ATG7: variants seen among roughly 807,000 people sequenced by gnomAD.
ATG7 encodes the protein autophagy related 7, also known as ubiquitin-like modifier-activating enzyme ATG7.
ATG7 carries 70 observed loss-of-function variants against 82.4 expected under a neutral mutation model. The observed-to-expected ratio is 0.85, with a 90% CI of 0.70 to 1.04. ATG7 has a LOEUF of 1.04. Ranked by LOEUF, ATG7 falls within the 50% of genes least tolerant of loss-of-function variation. The pLI, the probability that ATG7 is intolerant of heterozygous loss-of-function variation, is 0.00. For synonymous variants in ATG7, 287 were observed against 313.0 expected (o/e 0.92, Z 0.88); for missense variants, 792 against 864.3 (o/e 0.92, Z 1.05).
intron 18 of ATG7, among the ~76,000 whole-genome samples, chr3:11,366,447 G>A (rs919930907): frequency 2.0e-5 from 3 of 151,880 alleles, no homozygotes; most frequent in Non-Finnish European, 4.4e-5. Context: ...GACATTTCAC[G>A]TAGGACCCAA....
chr3:11,443,267 G>T (rs939500565), intron 20 of ATG7, among the ~76,000 whole-genome samples: 2 of 152,126 alleles, frequency 1.3e-5, no homozygotes, highest in African/African-American at 4.8e-5. Context: ...ACTCCTACTA[G>T]TCTTAAACCA....
chr3:11,525,819 G>A (rs967203268), intron 20 of ATG7, among the ~76,000 whole-genome samples: 2 of 152,086 alleles, frequency 1.3e-5, no homozygotes, highest in African/African-American at 4.8e-5. Context: ...CTCCCAAAGT[G>A]CTGGGATTAC....
chr3:11,465,558 G>A (rs1483032063), intron 20 of ATG7, among the ~76,000 whole-genome samples: 4 of 151,950 alleles, frequency 2.6e-5, no homozygotes, highest in African/African-American at 7.2e-5. Flanking sequence ...CAGCCTGGGC[G>A]TGAGTGAAAC....
At chr3:11,360,219 G>C (rs1248194917) in intron 15 of ATG7, among the ~76,000 whole-genome samples, 1 of 152,138 alleles carries the variant, frequency 6.6e-6, no homozygotes, top group Non-Finnish European at 1.5e-5. Context: ...CTAATTTTTT[G>C]TATTTTTAAT....
At chr3:11,536,612 G>A (rs369182231) in intron 20 of ATG7, among the ~76,000 whole-genome samples, 37 of 152,242 alleles carry the variant, frequency 2.4e-4, no homozygotes, top group South Asian at 6.2e-4. Context: ...CAGAGTAAAC[G>A]TTTGTGTGAG....
At chr3:11,406,838 A>G (rs534956129) in intron 19 of ATG7, among the ~76,000 whole-genome samples, 13 of 152,302 alleles carry the variant, frequency 8.5e-5, no homozygotes, top group South Asian at 4.1e-4. Context: ...CCATGATTCA[A>G]TCATCTCCCA....
intron 20 of ATG7, among the ~76,000 whole-genome samples, chr3:11,464,171 A>AGACTAGCC (rs2086610282): frequency 4.6e-5 from 7 of 152,162 alleles, no homozygotes; most frequent in Admixed American, 6.5e-5. Context: ...CAGGAGTTTG[A>AGACTAGCC]GACTAGCCTG....
rs1000132465 is a variant in ATG7, at chr3:11,391,961, G to GC, written c.1956+11909_1956+11910insC. 1.4e-5 allele frequency among the ~76,000 whole-genome samples: 2 copies of GC among 142,754 alleles called. 1 individual carries two copies. The highest frequency in any genetic ancestry group is 4.7e-4 in the South Asian group (2 of 4,212). 93.7% of individuals were successfully genotyped at this position (142,754 alleles called of 152,430 possible). A position where few individuals can be genotyped will look rare whatever the true frequency, so the allele number is the denominator to read the frequency against. On this transcript the variant is annotated intron_variant, in intron 19 of 20. Transcript: ENST00000693202. ...CATAGAATTCCATTGTACTTATTGGGGGGGGGGTAATTTCACTTTAAATTT... is the reference window on the plus strand; with the variant it reads ...CATAGAATTCCATTGTACTTATTGGGCGGGGGGGTAATTTCACTTTAAATTT...
chr3:11,360,804 G>A lies in ATG7; in HGVS notation c.1683+20G>A. The A allele has an allele frequency of 6.2e-7, 1 of 1,613,296 alleles. No individual in the cohort carries two copies. The highest frequency in any genetic ancestry group is 1.1e-5 in the South Asian group (1 of 91,044). ...GGAGATGTAAGTGGATTTCTCTATAGTTCCAAATATTTCCTATCACCAACT... is the reference window on the plus strand; with the variant it reads ...GGAGATGTAAGTGGATTTCTCTATAATTCCAAATATTTCCTATCACCAACT... On this transcript the variant is annotated intron_variant, in intron 16 of 20. Transcript: ENST00000693202.
At chr3:11,456,349 G>A (rs1251911544) in intron 20 of ATG7, among the ~76,000 whole-genome samples, 3 of 152,170 alleles carry the variant, frequency 2.0e-5, no homozygotes, top group Non-Finnish European at 4.4e-5. Flanking sequence ...ATATTCCATT[G>A]TAGGATCTGC....
chr3:11,538,944 C>T (rs1034599228), intron 20 of ATG7, among the ~76,000 whole-genome samples: 1 of 151,930 alleles, frequency 6.6e-6, no homozygotes, highest in African/African-American at 2.4e-5. Context: ...GAATGGACAC[C>T]TACCTAAGAT....
chr3:11,562,161 G>A (rs2073081055), downstream of ATG7, among the ~76,000 whole-genome samples: 1 of 152,078 alleles, frequency 6.6e-6, no homozygotes, highest in South Asian at 2.1e-4. Flanking sequence ...CCCCCCAAAG[G>A]GCTGGGATTA....
At chr3:11,297,525 C>T (rs746616237) in intron 3 of ATG7, among the ~76,000 whole-genome samples, 5 of 151,816 alleles carry the variant, frequency 3.3e-5, no homozygotes, top group African/African-American at 7.3e-5. Flanking sequence ...TATGTTACCC[C>T]GGAGAGTATG....
chr3:11,511,584 T>C (rs994768484), intron 20 of ATG7, among the ~76,000 whole-genome samples: 1 of 152,148 alleles, frequency 6.6e-6, no homozygotes, highest in Non-Finnish European at 1.5e-5. Context: ...GCCAGTCCCG[T>C]ACTGTGCGCT....
intron 20 of ATG7, among the ~76,000 whole-genome samples, chr3:11,493,761 A>G (rs1387042364): frequency 6.6e-6 from 1 of 152,220 alleles, no homozygotes; most frequent in African/African-American, 2.4e-5. Flanking sequence ...ATGACTAAGT[A>G]GTCCTGTGAA....
intron 20 of ATG7, among the ~76,000 whole-genome samples, chr3:11,465,458 A>G (rs1576608913): frequency 6.6e-6 from 1 of 150,688 alleles, no homozygotes. Context: ...AAAAAAAAAA[A>G]ATGAGCCTGT....
At chr3:11,517,375 CAA>C (rs992313035) in intron 20 of ATG7, among the ~76,000 whole-genome samples, 3 of 150,594 alleles carry the variant, frequency 2.0e-5, no homozygotes, top group African/African-American at 4.9e-5. Flanking sequence ...AAGAAAAAAA[CAA>C]TGATGGAGAC....
intron 3 of ATG7, among the ~76,000 whole-genome samples, chr3:11,288,164 C>G (rs186519368): frequency 6.6e-6 from 1 of 152,300 alleles, no homozygotes; most frequent in African/African-American, 2.4e-5. Flanking sequence ...TGCAGTATTA[C>G]GTGGCAAATA....
At chr3:11,573,253 A>G in the ATG7 span, among the ~76,000 whole-genome samples, 167 of 4,348 alleles carry the variant, frequency 0.038, 10 homozygotes, top group African/African-American at 0.18. Context: ...TAGAGAAAGA[A>G]AGAAAGAAAG....
Sources: gnomAD v4.1 joint callset for allele counts (sites outside exome capture counted in the v4.1 genomes callset) on GRCh38, gnomAD v4.1.1 for gene constraint, MANE v1.5 for transcripts, NCBI Gene and HGNC (gene_info 2026-07-23, HGNC 2026-07-21) for gene names.